Variants in RBFOX1 observed in about 807,000 individuals in gnomAD.
RBFOX1 encodes the protein RNA binding fox-1 homolog 1, also known as RNA binding protein fox-1 homolog 1.
A neutral mutation model predicts 57.7 loss-of-function variants in RBFOX1; 8 were observed. The observed-to-expected ratio is 0.14, with a 90% CI of 0.08 to 0.25. The LOEUF (loss-of-function observed/expected upper bound fraction) is 0.25. RBFOX1 is among the 10% of genes least tolerant of loss of function. The pLI, the probability that RBFOX1 is intolerant of heterozygous loss-of-function variation, is 1.00. For missense variants in RBFOX1, 611 were observed against 548.5 expected, an observed-to-expected ratio of 1.11 and a Z score of -1.14; for synonymous variants, 326 against 222.4, an observed-to-expected ratio of 1.47 and a Z score of -4.15.
chr16:7,626,665 T>C (rs999673645), intron 10 of RBFOX1, among the ~76,000 whole-genome samples: 2 of 152,094 alleles, frequency 1.3e-5, no homozygotes, highest in East Asian at 1.9e-4. Context: ...GTGAAGTAGA[T>C]TGAAGCTATT....
intron 4 of RBFOX1, among the ~76,000 whole-genome samples, chr16:6,006,839 T>G (rs1395851038): frequency 1.3e-5 from 2 of 152,178 alleles, no homozygotes; most frequent in Non-Finnish European, 2.9e-5. Flanking sequence ...TAGGAGGGAA[T>G]GAGAGTTTAA....
intron 4 of RBFOX1, among the ~76,000 whole-genome samples, chr16:7,096,704 G>A (rs566408463): frequency 3.9e-5 from 6 of 152,134 alleles, no homozygotes; most frequent in African/African-American, 1.4e-4. Flanking sequence ...GGCTGACGCA[G>A]GTATATCACC....
intron 3 of RBFOX1, among the ~76,000 whole-genome samples, chr16:5,709,432 A>T (rs908950022): frequency 6.6e-6 from 1 of 152,072 alleles, no homozygotes; most frequent in East Asian, 1.9e-4. Context: ...AGAATTTAAA[A>T]CAGATTTTCG....
chr16:7,035,245 T>A (rs914408570), intron 3 of RBFOX1, among the ~76,000 whole-genome samples: 7 of 152,070 alleles, frequency 4.6e-5, no homozygotes, highest in African/African-American at 1.7e-4. Context: ...ATACTCCAAG[T>A]GAGAACTGTA....
At chr16:7,281,549 C>G (rs1268102676) in intron 4 of RBFOX1, among the ~76,000 whole-genome samples, 1 of 152,044 alleles carries the variant, frequency 6.6e-6, no homozygotes, top group East Asian at 1.9e-4. Flanking sequence ...TAAGTGTTAA[C>G]TACTATTCTT....
chr16:5,675,338 G>A (rs2050133647), intron 3 of RBFOX1, among the ~76,000 whole-genome samples: 1 of 152,158 alleles, frequency 6.6e-6, no homozygotes, highest in African/African-American at 2.4e-5. Flanking sequence ...CTCTTTGGGA[G>A]AGACCATTTA....
intron 2 of RBFOX1, among the ~76,000 whole-genome samples, chr16:6,600,220 T>C (rs72762939): frequency 6.6e-6 from 1 of 152,290 alleles, no homozygotes; most frequent in Non-Finnish European, 1.5e-5. Context: ...TTAATGGTGG[T>C]GCTGATGAAC....
At chr16:7,065,158 G>T (rs1202903291) in intron 4 of RBFOX1, among the ~76,000 whole-genome samples, 1 of 152,192 alleles carries the variant, frequency 6.6e-6, no homozygotes. Context: ...TTACCTAAAT[G>T]AGCAAGCAAC....
intron 3 of RBFOX1, among the ~76,000 whole-genome samples, chr16:5,785,188 G>T (rs368035534): frequency 6.6e-6 from 1 of 152,172 alleles, no homozygotes; most frequent in Non-Finnish European, 1.5e-5. Flanking sequence ...TTGCTATGTG[G>T]TATCTCTTTC....
chr16:7,100,882 A>C (rs1331065551), intron 4 of RBFOX1, among the ~76,000 whole-genome samples: 1 of 152,216 alleles, frequency 6.6e-6, no homozygotes, highest in Non-Finnish European at 1.5e-5. Flanking sequence ...TTGTGAAGTT[A>C]AACTGCTAAA....
At chr16:5,556,078 C>G (rs377028128) in intron 2 of RBFOX1, among the ~76,000 whole-genome samples, 1 of 152,156 alleles carries the variant, frequency 6.6e-6, no homozygotes, top group African/African-American at 2.4e-5. Flanking sequence ...AACACCCTTT[C>G]CCTGTATTCT....
intron 3 of RBFOX1, among the ~76,000 whole-genome samples, chr16:6,835,555 C>T (rs2093032204): frequency 6.6e-6 from 1 of 151,598 alleles, no homozygotes; most frequent in South Asian, 2.1e-4. Context: ...AGTTTGAGAC[C>T]AGCCTGGTCA....
At chr16:5,373,762 C>A (rs1397121597) in intron 1 of RBFOX1, among the ~76,000 whole-genome samples, 2 of 151,762 alleles carry the variant, frequency 1.3e-5, no homozygotes, top group Non-Finnish European at 2.9e-5. Context: ...GACCACCACA[C>A]CCAGCTAATT....
intron 2 of RBFOX1, among the ~76,000 whole-genome samples, chr16:6,511,452 C>G (rs375381596): frequency 6.6e-6 from 1 of 152,154 alleles, no homozygotes; most frequent in African/African-American, 2.4e-5. Flanking sequence ...AGGCCCTGGA[C>G]TGACATGGGA....
Position 7,015,437 on chromosome 16 carries a change from G to A in RBFOX1, c.-15-36620G>A, listed in dbSNP as rs192159905. ...TAGACTTATGGAATCTGAATCTTCT[G>A]GAGTATAAGGCACTGAGCAGGAAGT... On this transcript the variant is annotated intron_variant, in intron 3 of 15. Transcript: ENST00000550418. Among the ~76,000 whole-genome samples, 6 of 152,276 alleles carry A rather than the reference G, an allele frequency of 3.9e-5. No homozygotes were observed. In the East Asian group the frequency reaches 7.8e-4, roughly 20 times the overall value.
chr16:5,771,258 G>T (rs139084095), intron 3 of RBFOX1, among the ~76,000 whole-genome samples: 3 of 152,362 alleles, frequency 2.0e-5, no homozygotes, highest in African/African-American at 7.2e-5. Context: ...TGCACATTAA[G>T]GTTGTGAGAA....
intron 4 of RBFOX1, among the ~76,000 whole-genome samples, chr16:7,153,727 CAA>C (rs113270300): frequency 7.8e-6 from 1 of 128,784 alleles, no homozygotes; most frequent in Non-Finnish European, 1.6e-5. Context: ...GACAGTGTCT[CAA>C]AAAAAAAAAA....
chr16:6,774,927 T>A lies in RBFOX1; in HGVS notation c.-16+120277T>A, dbSNP rs548434245. 2.0e-5 allele frequency among the ~76,000 whole-genome samples: 3 copies of A among 152,156 alleles called. No homozygotes were observed. In the East Asian group the frequency reaches 5.8e-4, roughly 29 times the overall value. ...ACCCCATTGAGTAGTGGCTACCATATTGGACAGTATACGTCTATAGGCCCT... is the reference window on the plus strand; with the variant it reads ...ACCCCATTGAGTAGTGGCTACCATAATGGACAGTATACGTCTATAGGCCCT... On this transcript the variant is annotated intron_variant, in intron 3 of 15. Transcript: ENST00000550418.
chr16:5,385,598 C>T (rs1034234372), intron 1 of RBFOX1, among the ~76,000 whole-genome samples: 2 of 152,160 alleles, frequency 1.3e-5, no homozygotes, highest in African/African-American at 4.8e-5. Context: ...GTCAGTGTCC[C>T]TTATGTGCCA....
Sources: gnomAD v4.1 joint callset for allele counts (sites outside exome capture counted in the v4.1 genomes callset) on GRCh38, gnomAD v4.1.1 for gene constraint, MANE v1.5 for transcripts, NCBI Gene and HGNC (gene_info 2026-07-23, HGNC 2026-07-21) for gene names.